Variants in RORB observed in about 807,000 individuals in gnomAD.
RORB encodes the protein RAR related orphan receptor B, also known as nuclear receptor ROR-beta.
RORB carries 6 observed loss-of-function variants against 59.1 expected under a neutral mutation model. The ratio of observed to expected loss-of-function variants is 0.10; its 90% CI spans 0.06 to 0.20. RORB has a LOEUF of 0.20. Among genes scored for constraint, RORB ranks in the 10% least tolerant of loss-of-function variants. The pLI, the probability that RORB is intolerant of heterozygous loss-of-function variation, is 1.00. For synonymous variants in RORB, 215 were observed against 204.5 expected, an observed-to-expected ratio of 1.05 and a Z score of -0.44; for missense variants, 320 against 560.5, an observed-to-expected ratio of 0.57 and a Z score of 4.33.
intron 1 of RORB, among the ~76,000 whole-genome samples, chr9:74,590,949 C>G (rs532555553): frequency 2.4e-4 from 37 of 152,190 alleles, no homozygotes; most frequent in African/African-American, 8.4e-4. Flanking sequence ...GCGCATGCCA[C>G]CAGGCCCAGC....
chr9:74,602,762 T>C (rs1823087629), intron 1 of RORB, among the ~76,000 whole-genome samples: 1 of 152,238 alleles, frequency 6.6e-6, no homozygotes, highest in Admixed American at 6.5e-5. Context: ...AGAGAAATTT[T>C]TCACTGTATA....
intron 1 of RORB, among the ~76,000 whole-genome samples, chr9:74,583,267 C>T (rs1322943399): frequency 1.3e-5 from 2 of 152,098 alleles, no homozygotes; most frequent in African/African-American, 2.4e-5. Context: ...AGAACTGCCA[C>T]GTACCCAGGC....
At chr9:74,585,049 G>A (rs141969844) in intron 1 of RORB, among the ~76,000 whole-genome samples, 1 of 152,334 alleles carries the variant, frequency 6.6e-6, no homozygotes, top group Non-Finnish European at 1.5e-5. Flanking sequence ...TCCAGCCAGA[G>A]ATCTTCAGGG....
intron 8 of RORB, 96 bp downstream of exon 8, chr9:74,667,997 C>A: frequency 1.4e-6 from 1 of 738,142 alleles, no homozygotes. Flanking sequence ...TCAGGAGAAA[C>A]TTTAACAGAG....
intron 1 of RORB, among the ~76,000 whole-genome samples, chr9:74,520,665 T>C (rs1443039599): frequency 6.6e-6 from 1 of 151,950 alleles, no homozygotes; most frequent in Admixed American, 6.6e-5. Flanking sequence ...TAATATACAA[T>C]ATTTCAACTT....
At chr9:74,583,513 G>A (rs542780066) in intron 1 of RORB, among the ~76,000 whole-genome samples, 21 of 151,716 alleles carry the variant, frequency 1.4e-4, no homozygotes, top group Admixed American at 3.9e-4. Flanking sequence ...ACCTAATTTG[G>A]TTACAAATTA....
chr9:74,631,153 C>G, intron 2 of RORB, among the ~76,000 whole-genome samples: 2 of 152,206 alleles, frequency 1.3e-5, no homozygotes, highest in Middle Eastern at 6.8e-3. Flanking sequence ...TAGCAGTAAA[C>G]GTAGACTTAA....
intron 1 of RORB, among the ~76,000 whole-genome samples, chr9:74,580,859 G>T (rs367894601): frequency 2.6e-5 from 4 of 152,230 alleles, no homozygotes; most frequent in East Asian, 3.9e-4. Flanking sequence ...AGCAAAAGTA[G>T]TAAGACAAAA....
chr9:74,635,967 A>AAAG (rs1279405553), intron 3 of RORB, among the ~76,000 whole-genome samples: 2 of 151,942 alleles, frequency 1.3e-5, no homozygotes, highest in Non-Finnish European at 2.9e-5. Context: ...AAAAAAAAAA[A>AAAG]AAAAACAGAA....
intron 6 of RORB, among the ~76,000 whole-genome samples, chr9:74,662,994 T>C (rs370700143): frequency 6.6e-6 from 1 of 151,460 alleles, no homozygotes; most frequent in Admixed American, 6.6e-5. Flanking sequence ...TCATTTCCAA[T>C]CATTTTAATG....
intron 1 of RORB, among the ~76,000 whole-genome samples, chr9:74,601,183 CAT>C (rs566056712): frequency 1.7e-4 from 26 of 151,874 alleles, no homozygotes; most frequent in African/African-American, 5.1e-4. Context: ...AGTAAACAGA[CAT>C]GTGCAATTTA....
At chr9:74,606,263 T>C (rs948239878) in intron 1 of RORB, among the ~76,000 whole-genome samples, 5 of 152,226 alleles carry the variant, frequency 3.3e-5, no homozygotes, top group Admixed American at 1.3e-4. Context: ...TGGCATGATA[T>C]ATTTGCCTTT....
chr9:74,577,107 GA>G (rs545424959), intron 1 of RORB, among the ~76,000 whole-genome samples: 433 of 152,204 alleles, frequency 2.8e-3, no homozygotes, highest in Non-Finnish European at 4.4e-3. Context: ...TGCTTAAGAT[GA>G]AAATGTTTAC....
chr9:74,682,964 G>A (rs1245184936), intron 9 of RORB, among the ~76,000 whole-genome samples: 3 of 152,046 alleles, frequency 2.0e-5, no homozygotes, highest in African/African-American at 4.8e-5. Context: ...TTTCAAAATC[G>A]ATCCCATGAA....
At chr9:74,630,166 A>C in intron 1 of RORB, 116 bp from the exon 2 acceptor site, 2 of 1,383,226 alleles carry the variant, frequency 1.4e-6, no homozygotes, top group Non-Finnish European at 9.6e-7. Context: ...CACCGCTCAC[A>C]CCCCAGTATT....
At chr9:74,637,086 C>T (rs1319174631) in intron 3 of RORB, among the ~76,000 whole-genome samples, 1 of 152,168 alleles carries the variant, frequency 6.6e-6, no homozygotes, top group East Asian at 1.9e-4. Context: ...AGAATCCCTA[C>T]CTTCTTCTGA....
chr9:74,519,290 G>A (rs1291274687), intron 1 of RORB, among the ~76,000 whole-genome samples: 2 of 151,960 alleles, frequency 1.3e-5, no homozygotes, highest in East Asian at 1.9e-4. Flanking sequence ...GCATGCACGC[G>A]GGAAGTATTT....
chr9:74,528,358 T>C (rs1448279228), intron 1 of RORB, among the ~76,000 whole-genome samples: 1 of 152,048 alleles, frequency 6.6e-6, no homozygotes, highest in Non-Finnish European at 1.5e-5. Flanking sequence ...AAAATGTTTA[T>C]TCTGGTTAGT....
At chr9:74,666,242 G>T (rs774729435) in intron 7 of RORB, among the ~76,000 whole-genome samples, 7 of 152,042 alleles carry the variant, frequency 4.6e-5, no homozygotes, top group Non-Finnish European at 1.0e-4. Flanking sequence ...AGCTGAGATA[G>T]TTCCACTGCA....
Sources: allele counts gnomAD v4.1 joint callset (sites outside exome capture counted in the v4.1 genomes callset), GRCh38; gene constraint gnomAD v4.1.1; transcripts MANE v1.5; gene names NCBI Gene and HGNC (gene_info 2026-07-23, HGNC 2026-07-21).